Variants in ZNF804A observed in about 807,000 individuals in gnomAD.
ZNF804A encodes the protein zinc finger protein 804A.
In ZNF804A, 2 loss-of-function variants were observed where a neutral mutation model predicts 16.5. The observed-to-expected ratio is 0.12, with a 90% confidence interval of 0.05 to 0.38. The LOEUF (loss-of-function observed/expected upper bound fraction) is 0.38. Among genes scored for constraint, ZNF804A ranks in the 10% least tolerant of loss-of-function variants. ZNF804A has a pLI of 0.99. For missense variants in ZNF804A, 1,473 were observed against 1,390.7 expected, an observed-to-expected ratio of 1.06 and a Z score of -0.94; for synonymous variants, 534 against 489.6, an observed-to-expected ratio of 1.09 and a Z score of -1.20.
intron 1 of ZNF804A, among the ~76,000 whole-genome samples, chr2:184,827,686 G>C (rs1223581444): frequency 6.6e-6 from 1 of 151,174 alleles, no homozygotes; most frequent in Non-Finnish European, 1.5e-5. Context: ...TTTGTTTCTA[G>C]TATTTTTCAC....
At chr2:184,832,447 A>G (rs1030911116) in intron 1 of ZNF804A, among the ~76,000 whole-genome samples, 5 of 152,020 alleles carry the variant, frequency 3.3e-5, no homozygotes, top group Non-Finnish European at 4.4e-5. Context: ...GGTGTCACAA[A>G]TTATTTGCAA....
At chr2:184,704,155 CTT>C (rs36103347) in intron 1 of ZNF804A, among the ~76,000 whole-genome samples, 13 of 145,780 alleles carry the variant, frequency 8.9e-5, no homozygotes, top group Non-Finnish European at 9.0e-5. Flanking sequence ...TTCAGGAAAT[CTT>C]TTTTTTTTTT....
At chr2:184,671,281 C>A (rs775157504) in intron 1 of ZNF804A, among the ~76,000 whole-genome samples, 4 of 152,186 alleles carry the variant, frequency 2.6e-5, no homozygotes, top group Admixed American at 6.5e-5. Context: ...TTCAAGGAAA[C>A]TAATCTGTTT....
chr2:184,896,871 T>A (rs1244238211), intron 2 of ZNF804A, among the ~76,000 whole-genome samples: 3 of 152,122 alleles, frequency 2.0e-5, no homozygotes, highest in African/African-American at 7.2e-5. Context: ...TTATCTTCTA[T>A]TCCTTTTGTG....
intron 1 of ZNF804A, among the ~76,000 whole-genome samples, chr2:184,769,816 G>C (rs1694184648): frequency 6.6e-6 from 1 of 151,910 alleles, no homozygotes; most frequent in Admixed American, 6.6e-5. Flanking sequence ...ATCTTAACAA[G>C]GCTTGGTAAT....
chr2:184,638,211 T>G (rs902641377), intron 1 of ZNF804A, among the ~76,000 whole-genome samples: 2 of 152,200 alleles, frequency 1.3e-5, no homozygotes, highest in Non-Finnish European at 2.9e-5. Context: ...ACTTATTATT[T>G]ATTCCATCCT....
At chr2:184,845,255 C>T (rs991524013) in intron 1 of ZNF804A, among the ~76,000 whole-genome samples, 3 of 151,814 alleles carry the variant, frequency 2.0e-5, no homozygotes, top group African/African-American at 7.3e-5. Context: ...TTTTCCTTAA[C>T]TGTTAGTGTG....
chr2:184,602,517 T>C (rs1255071712), intron 1 of ZNF804A, among the ~76,000 whole-genome samples: 2 of 152,012 alleles, frequency 1.3e-5, no homozygotes, highest in South Asian at 2.1e-4. Context: ...TGAAGACATT[T>C]GGTACATCCT....
intron 1 of ZNF804A, among the ~76,000 whole-genome samples, chr2:184,619,192 C>T (rs1691378680): frequency 6.6e-6 from 1 of 151,770 alleles, no homozygotes; most frequent in South Asian, 2.1e-4. Context: ...TGTTCCAACA[C>T]CAAATTTACG....
intron 1 of ZNF804A, among the ~76,000 whole-genome samples, chr2:184,680,243 T>C (rs1482535206): frequency 6.6e-6 from 1 of 151,092 alleles, no homozygotes; most frequent in Non-Finnish European, 1.5e-5. Context: ...GGAGAAGAGC[T>C]ACCCACTGCG....
At chr2:184,842,100 A>T (rs1695444781) in intron 1 of ZNF804A, among the ~76,000 whole-genome samples, 1 of 152,108 alleles carries the variant, frequency 6.6e-6, no homozygotes, top group African/African-American at 2.4e-5. Flanking sequence ...TTTAGTTGTA[A>T]ATTTTTCAAG....
chr2:184,751,073 C>A (rs1200288785), intron 1 of ZNF804A, among the ~76,000 whole-genome samples: 1 of 151,448 alleles, frequency 6.6e-6, no homozygotes, highest in Non-Finnish European at 1.5e-5. Context: ...ATCCATTCAG[C>A]CGTCAATGGA....
At chr2:184,919,098 G>C (rs1193078338) in intron 2 of ZNF804A, among the ~76,000 whole-genome samples, 1 of 152,146 alleles carries the variant, frequency 6.6e-6, no homozygotes, top group Non-Finnish European at 1.5e-5. Flanking sequence ...ACCTTGATTA[G>C]AGAAATGCTG....
intron 1 of ZNF804A, among the ~76,000 whole-genome samples, chr2:184,832,680 C>A (rs529973868): frequency 2.6e-5 from 4 of 151,526 alleles, no homozygotes; most frequent in African/African-American, 9.7e-5. Flanking sequence ...CTTTTTCATC[C>A]CCCAAATAGA....
At chr2:184,640,623 G>A (rs554627733) in intron 1 of ZNF804A, among the ~76,000 whole-genome samples, 1 of 152,064 alleles carries the variant, frequency 6.6e-6, no homozygotes, top group Non-Finnish European at 1.5e-5. Context: ...TGAATAATAA[G>A]GATGATATAT....
At chr2:184,935,108 T>C (rs559267216) in intron 3 of ZNF804A, among the ~76,000 whole-genome samples, 44 of 152,306 alleles carry the variant, frequency 2.9e-4, no homozygotes, top group Middle Eastern at 6.8e-3. Context: ...TACAGTGTAA[T>C]GTAATTCCAA....
chr2:184,887,772 A>T (rs979907118), intron 2 of ZNF804A, among the ~76,000 whole-genome samples: 4 of 152,162 alleles, frequency 2.6e-5, no homozygotes, highest in Non-Finnish European at 4.4e-5. Flanking sequence ...TCCCTCCCAC[A>T]ATACATGGGA....
At chr2:184,688,342 TTC>T in intron 1 of ZNF804A, among the ~76,000 whole-genome samples, 1 of 126,348 alleles carries the variant, frequency 7.9e-6, no homozygotes, top group South Asian at 2.5e-4. Context: ...CTCTCTCTCT[TTC>T]TGTGTGTGTG....
intron 2 of ZNF804A, among the ~76,000 whole-genome samples, chr2:184,925,644 T>C (rs1403612363): frequency 1.3e-5 from 2 of 151,978 alleles, no homozygotes; most frequent in Non-Finnish European, 2.9e-5. Flanking sequence ...TGTCCTTCTT[T>C]CAGTAAAGGT....
Sources: allele counts gnomAD v4.1 joint callset (sites outside exome capture counted in the v4.1 genomes callset), GRCh38; gene constraint gnomAD v4.1.1; transcripts MANE v1.5; gene names NCBI Gene and HGNC (gene_info 2026-07-23, HGNC 2026-07-21).